NELL1: variants seen among roughly 807,000 people sequenced by gnomAD.
The protein encoded by NELL1 is neural EGFL like 1.
NELL1 carries 76 observed loss-of-function variants against 107.4 expected under a neutral mutation model. The ratio of observed to expected loss-of-function variants is 0.71; its 90% CI spans 0.59 to 0.86. The LOEUF is 0.86. Ranked by LOEUF, NELL1 falls within the 40% of genes least tolerant of loss-of-function variation. The pLI is 0.00. For synonymous variants in NELL1, 353 were observed against 341.2 expected (o/e 1.03, Z -0.38); for missense variants, 1,024 against 1,005.5 (o/e 1.02, Z -0.25).
At chr11:21,018,618 C>G (rs551118616) in intron 12 of NELL1, among the ~76,000 whole-genome samples, 1 of 152,152 alleles carries the variant, frequency 6.6e-6, no homozygotes, top group African/African-American at 2.4e-5. Flanking sequence ...ATGTGGTAGG[C>G]ACATTAGATT....
At chr11:21,281,443 G>A (rs1232675717) in intron 14 of NELL1, among the ~76,000 whole-genome samples, 1 of 152,124 alleles carries the variant, frequency 6.6e-6, no homozygotes. Context: ...CTGGCTCCTG[G>A]ATGGCACCTC....
chr11:21,428,998 C>T (rs1244292674), intron 15 of NELL1, among the ~76,000 whole-genome samples: 2 of 152,106 alleles, frequency 1.3e-5, no homozygotes, highest in African/African-American at 4.8e-5. Context: ...TCCTTTTGAG[C>T]CTCCATATTG....
At chr11:21,424,738 A>G (rs188358639) in intron 15 of NELL1, among the ~76,000 whole-genome samples, 3 of 152,332 alleles carry the variant, frequency 2.0e-5, no homozygotes, top group Admixed American at 2.0e-4. Context: ...TGCAAAGACT[A>G]AATCATGAAG....
intron 12 of NELL1, among the ~76,000 whole-genome samples, chr11:21,100,277 C>A (rs1854772475): frequency 6.6e-6 from 1 of 152,196 alleles, no homozygotes. Flanking sequence ...CTAGGCTTCC[C>A]AAAGTGCTAG....
chr11:21,192,040 TACTG>T (rs936336342), intron 13 of NELL1, among the ~76,000 whole-genome samples: 37 of 151,998 alleles, frequency 2.4e-4, no homozygotes, highest in Non-Finnish European at 3.8e-4. Flanking sequence ...CAATGACTGG[TACTG>T]AGTAGTAAGT....
intron 5 of NELL1, among the ~76,000 whole-genome samples, chr11:20,915,970 A>G (rs1385666552): frequency 6.6e-6 from 1 of 151,574 alleles, no homozygotes; most frequent in African/African-American, 2.4e-5. Context: ...ATGCACTCAG[A>G]CATCTTTAGA....
At chr11:21,360,882 A>G (rs1018508434) in intron 14 of NELL1, among the ~76,000 whole-genome samples, 7 of 152,132 alleles carry the variant, frequency 4.6e-5, no homozygotes, top group Non-Finnish European at 1.0e-4. Context: ...AAGACAGCAG[A>G]TACTTGTTTG....
intron 16 of NELL1, among the ~76,000 whole-genome samples, chr11:21,545,289 G>A (rs981596152): frequency 2.6e-5 from 4 of 151,960 alleles, no homozygotes; most frequent in Admixed American, 6.6e-5. Context: ...TGTCTCAGAC[G>A]ACAGGACCTC....
intron 13 of NELL1, among the ~76,000 whole-genome samples, chr11:21,209,401 T>G (rs553106856): frequency 7.9e-5 from 12 of 151,010 alleles, no homozygotes; most frequent in African/African-American, 2.2e-4. Context: ...AATGGTTTTT[T>G]TCAATTAAGG....
At chr11:20,878,734 T>G (rs1453224986) in intron 4 of NELL1, among the ~76,000 whole-genome samples, 1 of 152,252 alleles carries the variant, frequency 6.6e-6, no homozygotes, top group Non-Finnish European at 1.5e-5. Context: ...TTGCTCATCA[T>G]AAAGCTTTGC....
intron 13 of NELL1, among the ~76,000 whole-genome samples, chr11:21,123,230 T>C (rs1855410506): frequency 6.6e-6 from 1 of 152,174 alleles, no homozygotes; most frequent in Admixed American, 6.5e-5. Context: ...AATCAAGATT[T>C]ATCCCCTGAG....
intron 4 of NELL1, among the ~76,000 whole-genome samples, chr11:20,863,482 A>G (rs1237597860): frequency 7.3e-6 from 1 of 136,310 alleles, no homozygotes; most frequent in Non-Finnish European, 1.6e-5. Flanking sequence ...GCGGCCGGGC[A>G]GAGACGCTCC....
At chr11:21,176,425 T>A (rs1233687509) in intron 13 of NELL1, among the ~76,000 whole-genome samples, 1 of 151,848 alleles carries the variant, frequency 6.6e-6, no homozygotes, top group Non-Finnish European at 1.5e-5. Context: ...GCAGTTATAT[T>A]TCTACATCAT....
chr11:21,145,216 A>T (rs1791879), intron 13 of NELL1, among the ~76,000 whole-genome samples: 38,967 of 152,094 alleles, frequency 0.26, 5,288 homozygotes, highest in Middle Eastern at 0.35. Context: ...ATAACAATTC[A>T]GTGAGTAGGT....
At chr11:21,149,808 A>G (rs1856072692) in intron 13 of NELL1, among the ~76,000 whole-genome samples, 1 of 152,168 alleles carries the variant, frequency 6.6e-6, no homozygotes, top group East Asian at 1.9e-4. Context: ...GAGAAAGTAA[A>G]CAGGTTTTCT....
Position 21,113,583 on chromosome 11 carries a change from C to A in NELL1, c.1301-6C>A. On this transcript the variant is annotated splice_region_variant and splice_polypyrimidine_tract_variant and intron_variant, in intron 12 of 19. Transcript: ENST00000357134. ...ACCATGATCTTACTTATTTTTTTTC[C>A]TTCAGATATTGATGAGTGTGCAGCT... is the stretch of plus-strand genomic sequence containing the variant. 1.9e-6 allele frequency: 3 copies of A among 1,602,462 alleles called. No individual in the cohort carries two copies. The highest frequency in any genetic ancestry group is 2.6e-6 in the Non-Finnish European group (3 of 1,174,540).
At chr11:21,208,672 TG>T (rs1169388507) in intron 13 of NELL1, among the ~76,000 whole-genome samples, 3 of 152,084 alleles carry the variant, frequency 2.0e-5, no homozygotes, top group African/African-American at 7.2e-5. Flanking sequence ...CCTCTGTTAC[TG>T]GGGCAGAGTT....
intron 12 of NELL1, among the ~76,000 whole-genome samples, chr11:20,977,342 G>T (rs1851658530): frequency 6.7e-6 from 1 of 149,016 alleles, no homozygotes; most frequent in Non-Finnish European, 1.5e-5. Context: ...TCGCCTCACT[G>T]CAAGCTCCGC....
intron 2 of NELL1, among the ~76,000 whole-genome samples, chr11:20,742,126 A>G (rs1035669676): frequency 1.3e-5 from 2 of 152,142 alleles, no homozygotes; most frequent in Non-Finnish European, 2.9e-5. Context: ...ATTGAGGAGG[A>G]CTTTGCAGTA....
Sources: allele counts gnomAD v4.1 joint callset (sites outside exome capture counted in the v4.1 genomes callset), GRCh38; gene constraint gnomAD v4.1.1; transcripts MANE v1.5; gene names NCBI Gene and HGNC (gene_info 2026-07-23, HGNC 2026-07-21).